The following YTHDC2 variants were observed in gnomAD, a reference collection of about 807,000 sequenced individuals.
YTHDC2 encodes the protein YTH N6-methyladenosine RNA binding protein C2.
In YTHDC2, 45 loss-of-function variants were observed where a neutral mutation model predicts 174.9. The observed-to-expected ratio is 0.26, with a 90% confidence interval of 0.20 to 0.33. The LOEUF is 0.33. Among genes scored for constraint, YTHDC2 ranks in the 10% least tolerant of loss-of-function variants. The pLI is 1.00. For synonymous variants in YTHDC2, 657 were observed against 574.5 expected, an observed-to-expected ratio of 1.14 and a Z score of -2.05; for missense variants, 1,650 against 1,723.7, an observed-to-expected ratio of 0.96 and a Z score of 0.76.
intron 28 of YTHDC2, 130 bp downstream of exon 28, chr5:113,592,308 C>G: frequency 1.1e-6 from 1 of 911,508 alleles, no homozygotes; most frequent in Non-Finnish European, 1.5e-6. Flanking sequence ...AACAGGGGTT[C>G]AGGTTTGTAA....
intron 4 of YTHDC2, 38 bp downstream of exon 4, chr5:113,526,823 AAAAATATAT>A (rs1561628696): frequency 1.2e-5 from 4 of 326,380 alleles, no homozygotes; most frequent in African/African-American, 8.1e-5. Context: ...AAAAAAAAAA[AAAAATATAT>A]ATATATATAT....
intron 26 of YTHDC2, among the ~76,000 whole-genome samples, chr5:113,586,484 C>T (rs1476383120): frequency 6.6e-6 from 1 of 151,730 alleles, no homozygotes; most frequent in East Asian, 1.9e-4. Context: ...CTTAACAGTG[C>T]CTTTTGAAGA....
intron 5 of YTHDC2, among the ~76,000 whole-genome samples, chr5:113,533,322 C>T (rs1774818064): frequency 6.6e-6 from 1 of 151,612 alleles, no homozygotes; most frequent in African/African-American, 2.4e-5. Context: ...GCGGGTGGAT[C>T]ACCTGCGGTC....
At position 113,589,411 on chromosome 5, in the gene YTHDC2, ATATAT is replaced by A. The variant is rs1561714033; in HGVS notation, c.3826-1629_3826-1625del. Among the ~76,000 whole-genome samples, 118 of 65,256 alleles carry A rather than the reference ATATAT, an allele frequency of 1.8e-3. 1 individual carries two copies. The highest frequency in any genetic ancestry group is 4.5e-3 in the African/African-American group (114 of 25,418). The allele number at this position is 65,256 out of a possible 152,430, so 42.8% of individuals were successfully genotyped here. ...TTTAAAAATTAAAAAAAAAAAAAAT[ATATAT>A]ATATATATATATATATGTATATATA... On this transcript the variant is annotated intron_variant, in intron 26 of 29. Transcript: ENST00000161863.
intron 10 of YTHDC2, 50 bp downstream of exon 10, chr5:113,542,553 G>T: frequency 6.5e-7 from 1 of 1,527,676 alleles, no homozygotes; most frequent in Non-Finnish European, 8.8e-7. Flanking sequence ...ATTTATGGTG[G>T]AAGTATAGTT....
At chr5:113,573,346 C>T (rs1219421685) in intron 23 of YTHDC2, among the ~76,000 whole-genome samples, 1 of 152,210 alleles carries the variant, frequency 6.6e-6, no homozygotes, top group Non-Finnish European at 1.5e-5. Flanking sequence ...TACTGTTAGT[C>T]TGATGGGCTT....
chr5:113,520,132 T>C (rs1335100705), intron 2 of YTHDC2, among the ~76,000 whole-genome samples: 1 of 152,234 alleles, frequency 6.6e-6, no homozygotes, highest in Non-Finnish European at 1.5e-5. Context: ...CTGCCAGTTA[T>C]GAGTGAGAAC....
At chr5:113,531,367 G>A (rs1774651712) in intron 4 of YTHDC2, among the ~76,000 whole-genome samples, 1 of 152,118 alleles carries the variant, frequency 6.6e-6, no homozygotes, top group Non-Finnish European at 1.5e-5. Flanking sequence ...AGCCAGCGAA[G>A]CTCACATTTA....
At chr5:113,532,499 T>C (rs1229084932) in intron 4 of YTHDC2, among the ~76,000 whole-genome samples, 1 of 152,186 alleles carries the variant, frequency 6.6e-6, no homozygotes, top group African/African-American at 2.4e-5. Flanking sequence ...TTTTATTTTA[T>C]TGACTTTATG....
chr5:113,555,074 T>C (rs1776507538), intron 16 of YTHDC2, among the ~76,000 whole-genome samples: 1 of 152,016 alleles, frequency 6.6e-6, no homozygotes, highest in South Asian at 2.1e-4. Context: ...TATATAATAG[T>C]ACATTAATGA....
intron 18 of YTHDC2, among the ~76,000 whole-genome samples, chr5:113,563,137 G>A (rs66838021): frequency 6.6e-6 from 1 of 151,688 alleles, no homozygotes; most frequent in African/African-American, 2.4e-5. Flanking sequence ...TGTTGCCAAT[G>A]GGAGCAATGG....
intron 9 of YTHDC2, among the ~76,000 whole-genome samples, chr5:113,542,127 C>T (rs545148737): frequency 7.2e-5 from 11 of 152,106 alleles, no homozygotes; most frequent in Admixed American, 2.0e-4. Flanking sequence ...CAATTAACAT[C>T]GTGACTAGAT....
chr5:113,536,395 C>T (rs959519609), intron 7 of YTHDC2, among the ~76,000 whole-genome samples: 14 of 152,202 alleles, frequency 9.2e-5, no homozygotes, highest in Non-Finnish European at 2.1e-4. Context: ...CGTGGTGGCA[C>T]GCACTTGCAG....
Position 113,593,470 on chromosome 5 carries a change from C to G in YTHDC2, c.*8-12C>G. 8.6e-7 allele frequency: 1 copy of G among 1,159,378 alleles called. No homozygotes were observed. The highest frequency in any genetic ancestry group is 1.2e-6 in the Non-Finnish European group (1 of 809,436). 71.8% of individuals were successfully genotyped at this position (1,159,378 alleles called of 1,614,324 possible). A position where few individuals can be genotyped will look rare whatever the true frequency, so the allele number is the denominator to read the frequency against. ...TCAGATTATTTATCTTTTTTTTTCC[C>G]CTTTCTTCTAGAACTCTTAGCTGTG... On this transcript the variant is annotated splice_polypyrimidine_tract_variant and intron_variant, in intron 29 of 29. Transcript: ENST00000161863.
At chr5:113,516,072 G>C (rs1181435522) in intron 2 of YTHDC2, among the ~76,000 whole-genome samples, 1 of 152,084 alleles carries the variant, frequency 6.6e-6, no homozygotes, top group East Asian at 1.9e-4. Context: ...GTGGCATACC[G>C]TGAACTCTTT....
At chr5:113,580,255 C>A (rs554546983) in intron 24 of YTHDC2, among the ~76,000 whole-genome samples, 1 of 152,158 alleles carries the variant, frequency 6.6e-6, no homozygotes, top group South Asian at 2.1e-4. Context: ...TTGGAGGGGA[C>A]AAAAACTTCA....
Position 113,567,149 on chromosome 5 carries a change from A to T in YTHDC2, c.2900A>T (p.Asn967Ile), listed in dbSNP as rs1232063294. ...CGGGACGTTAACACAAACTCTGAGA[A>T]TTGGGCTGTCGTTAAAGCTGCATTG... ...DIRDVNTNSE[N>I]WAVVKAALVA... Residue 967 changes from asparagine to isoleucine, a missense_variant, in exon 22 of 30, where the codon AAT (asparagine) becomes ATT (isoleucine). Transcript: ENST00000161863. The T allele has an allele frequency of 1.9e-6, 3 of 1,613,796 alleles. No homozygotes were observed. Among genetic ancestry groups the T allele is most frequent in the Non-Finnish European group, 2.5e-6 (3 of 1,179,922 alleles).
At chr5:113,552,315 C>T (rs1776300545) in intron 12 of YTHDC2, among the ~76,000 whole-genome samples, 1 of 152,030 alleles carries the variant, frequency 6.6e-6, no homozygotes, top group Non-Finnish European at 1.5e-5. Context: ...AACTTGTACC[C>T]ATTAGGTGTC....
At position 113,567,427 on chromosome 5, in the gene YTHDC2, T is replaced by TATATATATATAA. The variant is rs138503872; in HGVS notation, c.3048+130_3048+131insATATATATATAA. ...AGTTATATATATATATATATATATA[T>TATATATATATAA]CATTAAATATTGGAACAAAACTTAT... On this transcript the variant is annotated intron_variant, in intron 22 of 29. Coordinates refer to ENST00000161863, the MANE Select transcript of YTHDC2 (RefSeq NM_022828.5). 3.5e-3 allele frequency: 1,330 copies of TATATATATATAA among 374,952 alleles called. 19 individuals carry two copies. The highest frequency in any genetic ancestry group is 0.016 in the African/African-American group (649 of 39,566). 23.2% of individuals were successfully genotyped at this position (374,952 alleles called of 1,614,324 possible). A position where few individuals can be genotyped will look rare whatever the true frequency, so the allele number is the denominator to read the frequency against.
Sources: allele counts gnomAD v4.1 joint callset (sites outside exome capture counted in the v4.1 genomes callset), GRCh38; gene constraint gnomAD v4.1.1; transcripts MANE v1.5; gene names NCBI Gene and HGNC (gene_info 2026-07-23, HGNC 2026-07-21).